Variants in COL14A1 observed in about 807,000 individuals in gnomAD.
COL14A1 encodes the protein collagen alpha-1(XIV) chain.
In COL14A1, 136 loss-of-function variants were observed where a neutral mutation model predicts 230.3. The ratio of observed to expected loss-of-function variants is 0.59; its 90% confidence interval spans 0.51 to 0.68. The LOEUF (loss-of-function observed/expected upper bound fraction) is 0.68, where lower values mean the gene tolerates loss of function less well. COL14A1 is among the 30% of genes least tolerant of loss of function. The pLI is 0.00. For synonymous variants in COL14A1, 792 were observed against 784.1 expected (o/e 1.01, Z -0.17); for missense variants, 1,976 against 2,215.8 (o/e 0.89, Z 2.17).
intron 14 of COL14A1, among the ~76,000 whole-genome samples, chr8:120,218,207 A>T (rs1334567346): frequency 1.5e-5 from 2 of 137,886 alleles, no homozygotes; most frequent in East Asian, 4.0e-4. Flanking sequence ...ATATATAAAT[A>T]TATAATATAT....
Position 120,206,968 on chromosome 8 carries a change from G to A in COL14A1, c.1065G>A (p.Pro355=), listed in dbSNP as rs746088351. The A allele has an allele frequency of 3.6e-5, 58 of 1,611,600 alleles. No individual in the cohort carries two copies. The East Asian group carries it at 3.8e-4, about 11-fold the overall frequency. ...CCTCAGCCCATGCCATCACTGGGCC[G>A]CCTACGGAGTTGATTACTTCTGAAG... ...IKASAHAITG[P]PTELITSEVT... The change falls in exon 10 of 48, where the codon CCG becomes CCA. Residue 355 remains proline (P), a synonymous_variant. Coordinates refer to ENST00000297848, the MANE Select transcript of COL14A1 (RefSeq NM_021110.4).
intron 1 of COL14A1, among the ~76,000 whole-genome samples, chr8:120,142,202 G>A (rs1020186915): frequency 1.3e-5 from 2 of 152,146 alleles, no homozygotes; most frequent in East Asian, 3.9e-4. Context: ...TTGGAGTTGA[G>A]TGATTCTGCT....
chr8:120,370,194 G>C, intron 47 of COL14A1: 2 of 784,534 alleles, frequency 2.5e-6, no homozygotes, highest in Non-Finnish European at 4.2e-6. Flanking sequence ...GAACTTACTA[G>C]TTAATGGGTT....
chr8:120,326,666 A>G (rs1821679785), intron 40 of COL14A1, among the ~76,000 whole-genome samples: 1 of 152,160 alleles, frequency 6.6e-6, no homozygotes, highest in Non-Finnish European at 1.5e-5. Flanking sequence ...TAGTTATCAC[A>G]ATTTATAATA....
chr8:120,285,207 A>C (rs1340698445), intron 32 of COL14A1, among the ~76,000 whole-genome samples: 3 of 151,860 alleles, frequency 2.0e-5, no homozygotes, highest in African/African-American at 4.8e-5. Flanking sequence ...TAATCCCAGC[A>C]CTTTGGGATG....
At chr8:120,332,498 A>T (rs189940800) in intron 41 of COL14A1, among the ~76,000 whole-genome samples, 166 bp from the exon 42 acceptor site, 2 of 152,218 alleles carry the variant, frequency 1.3e-5, no homozygotes, top group African/African-American at 4.8e-5. Context: ...GACTAAAAAA[A>T]AGTCTTCCCT....
chr8:120,300,778 C>T lies in COL14A1; in HGVS notation c.4361C>T (p.Ser1454Phe). ...CPDLPHSCSCSETNEVALGPA... is the reference protein window; with the variant it reads ...CPDLPHSCSCFETNEVALGPA... ...GACCTTCCCCATTCCTGCTCCTGTT[C>T]TGAAACCAATGAAGTGGCTCTGGGA... Residue 1454 changes from serine (S) to phenylalanine (F), a missense_variant, in exon 36 of 48, where the codon TCT becomes TTT. Coordinates refer to ENST00000297848, the MANE Select transcript of COL14A1 (RefSeq NM_021110.4). The T allele has an allele frequency of 1.2e-6, 2 of 1,613,690 alleles. No individual in the cohort carries two copies. Among genetic ancestry groups the T allele is most frequent in the Non-Finnish European group, 1.7e-6 (2 of 1,179,702 alleles).
At position 120,370,853 on chromosome 8, in the gene COL14A1, C is replaced by T. The variant is rs568974367; in HGVS notation, c.5312-299C>T. On this transcript the variant is annotated intron_variant, in intron 47 of 47. Transcript: ENST00000297848. ...AACATGAGATTTTTTAAAAAAATTTCTATTTCTTTTATAATTTTGCTGAGT... is the reference window on the plus strand; with the variant it reads ...AACATGAGATTTTTTAAAAAAATTTTTATTTCTTTTATAATTTTGCTGAGT... 3.7e-6 allele frequency: 5 copies of T among 1,341,528 alleles called. No homozygotes were observed. The South Asian group carries it at 6.7e-5, about 18-fold the overall frequency. 83.1% of individuals were successfully genotyped at this position (1,341,528 alleles called of 1,614,324 possible).
At chr8:120,292,568 G>A (rs1820405183) in intron 34 of COL14A1, among the ~76,000 whole-genome samples, 1 of 152,104 alleles carries the variant, frequency 6.6e-6, no homozygotes, top group Admixed American at 6.5e-5. Flanking sequence ...AATCATTTCA[G>A]TACAAGGTAA....
At position 120,313,957 on chromosome 8, in the gene COL14A1, T is replaced by C. The variant is rs200894712; in HGVS notation, c.4481T>C (p.Ile1494Thr). Residue 1494 changes from isoleucine (I) to threonine (T), a missense_variant, in exon 38 of 48, where the codon ATT (isoleucine) becomes ACT (threonine). By Grantham distance (89) the Ile-to-Thr change is moderately conservative (BLOSUM62 -1). Around this residue, in one of 3 missense-constraint regions of COL14A1, gnomAD observed 1,791 missense variants for 2,019.5 expected, o/e 0.89. Coordinates refer to ENST00000297848, the MANE Select transcript of COL14A1 (RefSeq NM_021110.4). The stretch of plus-strand genomic sequence containing the variant: ...GGACCAGATGGCCCTCGGGGTGAAA[T>C]TGGTCTGCCAGGACCTCAGGGTCCA... ...PKGPDGPRGE[I>T]GLPGPQGPPG... The C allele has an allele frequency of 8.7e-6, 14 of 1,612,416 alleles. No homozygotes were observed. The highest frequency in any genetic ancestry group is 1.3e-5 in the African/African-American group (1 of 74,848).
At chr8:120,288,345 G>C (rs1304437514) in intron 33 of COL14A1, among the ~76,000 whole-genome samples, 2 of 152,076 alleles carry the variant, frequency 1.3e-5, no homozygotes, top group African/African-American at 2.4e-5. Flanking sequence ...TTTGTATCAT[G>C]ATCTAACTCA....
chr8:120,247,641 G>A lies in COL14A1; in HGVS notation c.2508G>A (p.Arg836=), dbSNP rs1288623428. Reference sequence around the variant, plus strand: ...CATCCTCGGGGCCCCAGAACTTGCGGGTGTCCGAGGAATGGTATAACCGGT... The same window carrying A: ...CATCCTCGGGGCCCCAGAACTTGCGAGTGTCCGAGGAATGGTATAACCGGT... ...TLPSSGPQNL[R]VSEEWYNRLR... Residue 836 remains arginine (R), a synonymous_variant, in exon 21 of 48, where the codon CGG becomes CGA. Coordinates refer to ENST00000297848, the MANE Select transcript of COL14A1 (RefSeq NM_021110.4). 3.7e-6 allele frequency: 6 copies of A among 1,614,064 alleles called. No homozygotes were observed. The highest frequency in any genetic ancestry group is 5.1e-6 in the Non-Finnish European group (6 of 1,180,018).
At chr8:120,300,672 A>G in intron 35 of COL14A1, 60 bp from the exon 36 acceptor site, 2 of 1,269,710 alleles carry the variant, frequency 1.6e-6, no homozygotes, top group Non-Finnish European at 2.3e-6. Flanking sequence ...TCTTTGAGCC[A>G]GTAAAGCCAT....
chr8:120,321,520 G>A (rs1246806567), intron 40 of COL14A1, among the ~76,000 whole-genome samples: 1 of 151,946 alleles, frequency 6.6e-6, no homozygotes, highest in Non-Finnish European at 1.5e-5. Context: ...GCACGAGCCT[G>A]TAATTCCAGC....
intron 42 of COL14A1, among the ~76,000 whole-genome samples, chr8:120,338,454 C>T (rs1822160646): frequency 6.6e-6 from 1 of 152,052 alleles, no homozygotes; most frequent in Non-Finnish European, 1.5e-5. Flanking sequence ...TGGCCTTGAG[C>T]AAGTGACAAG....
intron 9 of COL14A1, 35 bp downstream of exon 9, chr8:120,203,905 AG>A (rs1328931926): frequency 6.3e-7 from 1 of 1,596,342 alleles, no homozygotes; most frequent in Non-Finnish European, 8.6e-7. Context: ...TGTGGATGTC[AG>A]TATTATGGTG....
chr8:120,283,226 G>A (rs1820093108), intron 31 of COL14A1, among the ~76,000 whole-genome samples: 1 of 152,154 alleles, frequency 6.6e-6, no homozygotes, highest in Non-Finnish European at 1.5e-5. Context: ...GTAGTAGAAA[G>A]TGATAATGTC....
At chr8:120,149,790 G>A (rs750716761) in intron 2 of COL14A1, among the ~76,000 whole-genome samples, 4 of 151,070 alleles carry the variant, frequency 2.6e-5, no homozygotes, top group Non-Finnish European at 5.9e-5. Flanking sequence ...TGCCTCCTGC[G>A]TTCAAGCAAT....
chr8:120,218,450 C>G (rs1278230303), intron 14 of COL14A1, among the ~76,000 whole-genome samples: 8 of 151,754 alleles, frequency 5.3e-5, no homozygotes, highest in Admixed American at 5.3e-4. Context: ...GCTGGGACTA[C>G]AGGCGTGCGC....
Sources: allele counts gnomAD v4.1 joint callset (sites outside exome capture counted in the v4.1 genomes callset), GRCh38; gene constraint gnomAD v4.1.1; regional missense constraint gnomAD v4.1.1; transcripts MANE v1.5; gene names NCBI Gene and HGNC (gene_info 2026-07-23, HGNC 2026-07-21).